The following RBFOX3 variants were observed in gnomAD, a reference collection of about 807,000 sequenced individuals.
RBFOX3 encodes the protein RNA binding fox-1 homolog 3.
RBFOX3 carries 17 observed loss-of-function variants against 48.7 expected under a neutral mutation model. That is an observed-to-expected ratio of 0.35 (90% CI 0.24 to 0.52). The LOEUF is 0.52. Among genes scored for constraint, RBFOX3 ranks in the 20% least tolerant of loss-of-function variants. The pLI, the probability that RBFOX3 is intolerant of heterozygous loss-of-function variation, is 0.94. For synonymous variants in RBFOX3, 212 were observed against 209.5 expected, an observed-to-expected ratio of 1.01 and a Z score of -0.10; for missense variants, 382 against 497.5, an observed-to-expected ratio of 0.77 and a Z score of 2.21.
At chr17:79,620,124 T>TGCGC in the RBFOX3 span, among the ~76,000 whole-genome samples, 2 of 111,738 alleles carry the variant, frequency 1.8e-5, no homozygotes, top group African/African-American at 8.2e-5. Flanking sequence ...TATGCACACA[T>TGCGC]ACACACATGC....
intron 2 of RBFOX3, among the ~76,000 whole-genome samples, chr17:79,459,297 C>G (rs2075047096): frequency 6.6e-6 from 1 of 152,172 alleles, no homozygotes; most frequent in East Asian, 1.9e-4. Flanking sequence ...CTAGCTGGTG[C>G]TGGCCATGTG....
At chr17:79,165,910 C>T (rs936195365) in intron 4 of RBFOX3, among the ~76,000 whole-genome samples, 3 of 152,174 alleles carry the variant, frequency 2.0e-5, no homozygotes, top group East Asian at 1.9e-4. Context: ...GGCTGGGAGC[C>T]GGTGACACGC....
intron 2 of RBFOX3, among the ~76,000 whole-genome samples, chr17:79,419,881 C>G (rs1208788838): frequency 6.6e-6 from 1 of 152,126 alleles, no homozygotes; most frequent in South Asian, 2.1e-4. Flanking sequence ...AATCCCAGCA[C>G]TTTGGGAGGC....
At chr17:79,450,209 C>T (rs373477856) in intron 2 of RBFOX3, among the ~76,000 whole-genome samples, 35 of 152,352 alleles carry the variant, frequency 2.3e-4, no homozygotes, top group Middle Eastern at 3.4e-3. Context: ...ACACTGTGGA[C>T]TGCCCTCCCG....
chr17:79,092,473 A>G, intron 14 of RBFOX3: 1 of 985,938 alleles, frequency 1.0e-6, no homozygotes, highest in Non-Finnish European at 1.2e-6. Context: ...GCAGGGGGCC[A>G]GCCGTGCGTG....
chr17:79,315,088 C>A (rs568660893), intron 2 of RBFOX3, among the ~76,000 whole-genome samples: 1 of 152,166 alleles, frequency 6.6e-6, no homozygotes, highest in Non-Finnish European at 1.5e-5. Flanking sequence ...ATTATACATG[C>A]GTGACACAAA....
intron 2 of RBFOX3, among the ~76,000 whole-genome samples, chr17:79,371,536 T>C (rs2058540510): frequency 6.6e-6 from 1 of 152,154 alleles, no homozygotes; most frequent in Admixed American, 6.5e-5. Flanking sequence ...CACTCCTTGC[T>C]GCTCCTGACA....
At chr17:79,236,745 T>C (rs1392868765) in intron 3 of RBFOX3, among the ~76,000 whole-genome samples, 1 of 152,062 alleles carries the variant, frequency 6.6e-6, no homozygotes, top group Non-Finnish European at 1.5e-5. Flanking sequence ...GGGGCCAGGG[T>C]ATCCACTCCT....
At chr17:79,612,010 G>A (rs1279620264), upstream of RBFOX3, among the ~76,000 whole-genome samples, 1 of 152,168 alleles carries the variant, frequency 6.6e-6, no homozygotes, top group Non-Finnish European at 1.5e-5. Context: ...TGCAGAGGGA[G>A]CAGGAGAGCA....
intron 4 of RBFOX3, among the ~76,000 whole-genome samples, chr17:79,183,742 G>A (rs1469949787): frequency 2.0e-5 from 3 of 152,216 alleles, no homozygotes; most frequent in African/African-American, 4.8e-5. Context: ...TGTAGCGGTG[G>A]GAGGGGGAGT....
rs1221477702 is a variant in RBFOX3 at position 79,423,396 on chromosome 17, C to T, written c.-175+59058G>A. Among the ~76,000 whole-genome samples the T allele has an allele frequency of 1.3e-5, 2 of 152,084 alleles. No individual in the cohort carries two copies. The highest frequency in any genetic ancestry group is 2.4e-5 in the African/African-American group (1 of 41,360). ...CCCCAACCCTACCTCCAGTGTGGTC[C>T]GGCGCCACCACCTCTGCCGGACGTT... is the stretch of plus-strand genomic sequence containing the variant. On this transcript the variant is annotated intron_variant, in intron 2 of 14. Transcript: ENST00000693108. The surrounding 1 kb of genome is among the most constrained non-coding windows in gnomAD (Gnocchi z 4.9).
Position 79,311,969 on chromosome 17 carries a change from G to A in RBFOX3, c.-174-4145C>T, listed in dbSNP as rs914349567. 3.2e-4 allele frequency among the ~76,000 whole-genome samples: 48 copies of A among 152,228 alleles called. No individual in the cohort carries two copies. Among genetic ancestry groups the A allele is most frequent in the African/African-American group, 9.1e-4 (38 of 41,548 alleles). On this transcript the variant is annotated intron_variant, in intron 2 of 14. Coordinates refer to ENST00000693108, the MANE Select transcript of RBFOX3 (RefSeq NM_001350451.2). This position sits in a 1 kb window ranked among gnomAD's most constrained non-coding sequence, Gnocchi z 4.2. Reference sequence around the variant, plus strand: ...AGCTCGGGCCTGAAAATCCCTCCCCGTCAGAGCTGACATTTCAGGACAGGC... The same window carrying A: ...AGCTCGGGCCTGAAAATCCCTCCCCATCAGAGCTGACATTTCAGGACAGGC...
rs1315851407 is a variant in RBFOX3 at position 79,502,774 on chromosome 17, G to A, written c.-319-20176C>T. The stretch of plus-strand genomic sequence containing the variant: ...TGGAAAAGCATGGATTCTGTTCCTC[G>A]GCACAGATCCAGAGTTTGAGAGAGG... On this transcript the variant is annotated intron_variant, in intron 1 of 14. Transcript: ENST00000693108. Among the ~76,000 whole-genome samples, 9 of 152,236 alleles carry A rather than the reference G, an allele frequency of 5.9e-5. No individual in the cohort carries two copies. The East Asian group carries it at 9.7e-4, about 16-fold the overall frequency.
chr17:79,398,912 CAG>C (rs1160605750), intron 2 of RBFOX3, among the ~76,000 whole-genome samples: 5 of 152,196 alleles, frequency 3.3e-5, no homozygotes, highest in African/African-American at 1.2e-4. Context: ...TCTTTGGAAA[CAG>C]AGCCTTCGCC....
At chr17:79,625,188 C>G in the RBFOX3 span, among the ~76,000 whole-genome samples, 1 of 152,180 alleles carries the variant, frequency 6.6e-6, no homozygotes, top group Non-Finnish European at 1.5e-5. Context: ...CACCCCCGGG[C>G]AACCACTGCC....
Position 79,402,547 on chromosome 17 carries a change from G to A in RBFOX3, c.-175+79907C>T, listed in dbSNP as rs554194084. Among the ~76,000 whole-genome samples the A allele has an allele frequency of 1.4e-4, 21 of 152,322 alleles. No homozygotes were observed. The East Asian group carries it at 1.9e-3, about 14-fold the overall frequency. On this transcript the variant is annotated intron_variant, in intron 2 of 14. Coordinates refer to ENST00000693108, the MANE Select transcript of RBFOX3 (RefSeq NM_001350451.2). ...CGCTGGAGTGAGCGCAGGGGGCCCC[G>A]CGGGGCGGACACAGACAAAGCAGGA... is the stretch of plus-strand genomic sequence containing the variant.
At chr17:79,496,481 C>T (rs1345956195) in intron 1 of RBFOX3, among the ~76,000 whole-genome samples, 1 of 152,210 alleles carries the variant, frequency 6.6e-6, no homozygotes, top group Non-Finnish European at 1.5e-5. Flanking sequence ...TAGCCAGCAA[C>T]TGCAACAACA....
chr17:79,647,686 C>T, the RBFOX3 span, among the ~76,000 whole-genome samples: 17 of 152,194 alleles, frequency 1.1e-4, no homozygotes, highest in Non-Finnish European at 1.6e-4. Flanking sequence ...CCCTGCTGCC[C>T]CTAACTGCAC....
chr17:79,255,524 G>T (rs111797418), intron 3 of RBFOX3, among the ~76,000 whole-genome samples: 2,980 of 152,232 alleles, frequency 0.02, 100 homozygotes, highest in African/African-American at 0.068. Context: ...CCCTTGAATT[G>T]TCCAAGGGTG....
Sources: gnomAD v4.1 joint callset for allele counts (sites outside exome capture counted in the v4.1 genomes callset) on GRCh38, gnomAD v4.1.1 for gene constraint, Gnocchi (gnomAD v3.1) non-coding constraint, MANE v1.5 for transcripts, NCBI Gene and HGNC (gene_info 2026-07-23, HGNC 2026-07-21) for gene names.